Variants in TLL2 observed in about 807,000 individuals in gnomAD.
TLL2 encodes the protein tolloid like 2, also known as tolloid-like protein 2.
A neutral mutation model predicts 123.0 loss-of-function variants in TLL2; 106 were observed. The ratio of observed to expected loss-of-function variants is 0.86; its 90% CI spans 0.74 to 1.01. The LOEUF (loss-of-function observed/expected upper bound fraction) is 1.01, where lower values mean the gene tolerates loss of function less well. Among genes scored for constraint, TLL2 ranks in the 50% least tolerant of loss-of-function variants. The pLI is 0.00. For missense variants in TLL2, 1,332 were observed against 1,336.7 expected (o/e 1.00, Z 0.06); for synonymous variants, 494 against 516.8 (o/e 0.96, Z 0.60).
intron 7 of TLL2, among the ~76,000 whole-genome samples, chr10:96,416,830 T>C (rs988015604): frequency 1.3e-5 from 2 of 152,154 alleles, no homozygotes; most frequent in African/African-American, 2.4e-5. Context: ...GGACAACTCT[T>C]AGCATTGACA....
intron 10 of TLL2, among the ~76,000 whole-genome samples, chr10:96,399,239 A>G (rs935143607): frequency 3.3e-5 from 5 of 152,226 alleles, no homozygotes; most frequent in Non-Finnish European, 5.9e-5. Context: ...ATTGACTGGT[A>G]TACTTTAAAT....
chr10:96,420,647 G>A (rs1475651290), intron 7 of TLL2, among the ~76,000 whole-genome samples: 6 of 152,136 alleles, frequency 3.9e-5, no homozygotes, highest in Non-Finnish European at 4.4e-5. Flanking sequence ...CCCACCCACT[G>A]GAAATTTGAC....
chr10:96,397,069 C>G (rs1027650991), intron 11 of TLL2, 117 bp downstream of exon 11: 11 of 871,970 alleles, frequency 1.3e-5, no homozygotes, highest in Non-Finnish European at 3.4e-6. Flanking sequence ...GTGGTGGCTG[C>G]CCCCACCCCT....
rs866789339 is a variant in TLL2 at position 96,464,551 on chromosome 10, G to A, written c.286+15798C>T. On this transcript the variant is annotated intron_variant, in intron 2 of 20. Transcript: ENST00000357947. ...CAGGGATGGATTACTCACTTAGCAC[G>A]TGCCAGCCCGGGGCAGGAAGCAGAG... Among the ~76,000 whole-genome samples, 42 of 152,158 alleles carry A rather than the reference G, an allele frequency of 2.8e-4. No individual in the cohort carries two copies. In the Middle Eastern group the frequency reaches 0.014, roughly 49 times the overall value.
chr10:96,488,430 C>T (rs1438985040), intron 1 of TLL2, among the ~76,000 whole-genome samples: 1 of 152,226 alleles, frequency 6.6e-6, no homozygotes, highest in Non-Finnish European at 1.5e-5. Context: ...CCAGAGAGCC[C>T]CTTCCCACGC....
intron 4 of TLL2, among the ~76,000 whole-genome samples, chr10:96,431,618 G>A (rs1019267757): frequency 5.3e-5 from 8 of 152,192 alleles, no homozygotes; most frequent in Admixed American, 3.3e-4. Context: ...GATGTGCCGC[G>A]CCCTGCTCTA....
At chr10:96,398,359 G>C (rs952148002) in intron 10 of TLL2, among the ~76,000 whole-genome samples, 1 of 152,108 alleles carries the variant, frequency 6.6e-6, no homozygotes, top group East Asian at 1.9e-4. Flanking sequence ...TGCCAGTCAG[G>C]GTGGCAGGAT....
chr10:96,490,011 A>C (rs920535726), intron 1 of TLL2, among the ~76,000 whole-genome samples: 3 of 152,008 alleles, frequency 2.0e-5, no homozygotes, highest in African/African-American at 7.2e-5. Flanking sequence ...CAGGAGAATC[A>C]CTTGAACCCA....
intron 12 of TLL2, 80 bp downstream of exon 12, chr10:96,395,795 T>C: frequency 1.9e-6 from 3 of 1,551,440 alleles, no homozygotes; most frequent in Non-Finnish European, 2.6e-6. Context: ...TAGCCAAAAA[T>C]GAAAACCCAT....
At chr10:96,460,389 C>T (rs1396351170) in intron 2 of TLL2, among the ~76,000 whole-genome samples, 4 of 152,112 alleles carry the variant, frequency 2.6e-5, no homozygotes, top group Non-Finnish European at 5.9e-5. Context: ...GGAGGTGGGA[C>T]CTTTGAGAGG....
chr10:96,482,039 C>T (rs949843175), intron 1 of TLL2, among the ~76,000 whole-genome samples: 2 of 152,124 alleles, frequency 1.3e-5, no homozygotes, highest in African/African-American at 2.4e-5. Flanking sequence ...AGGCGGATCA[C>T]GAGGTCAGGA....
chr10:96,450,096 T>C (rs1466731706), intron 2 of TLL2, among the ~76,000 whole-genome samples: 1 of 147,974 alleles, frequency 6.8e-6, no homozygotes, highest in Non-Finnish European at 1.5e-5. Context: ...TGGCAGGTAC[T>C]GAGTAAAATA....
intron 1 of TLL2, among the ~76,000 whole-genome samples, chr10:96,495,503 T>C (rs577262513): frequency 3.5e-4 from 54 of 152,232 alleles, no homozygotes; most frequent in African/African-American, 1.3e-3. Context: ...TTCTAGGAAA[T>C]ACAATATGGC....
At chr10:96,439,027 C>T (rs1041108226) in intron 3 of TLL2, among the ~76,000 whole-genome samples, 13 of 140,040 alleles carry the variant, frequency 9.3e-5, no homozygotes, top group African/African-American at 3.4e-4. Context: ...CTGTATAATT[C>T]TTTTTTGTAC....
intron 10 of TLL2, among the ~76,000 whole-genome samples, chr10:96,401,345 G>A (rs982710002): frequency 3.9e-5 from 6 of 152,136 alleles, no homozygotes; most frequent in Non-Finnish European, 5.9e-5. Context: ...CAGATTTCAT[G>A]GCACTGACCC....
At chr10:96,475,217 C>T (rs910267390) in intron 2 of TLL2, among the ~76,000 whole-genome samples, 6 of 152,204 alleles carry the variant, frequency 3.9e-5, no homozygotes, top group Non-Finnish European at 8.8e-5. Flanking sequence ...GAAATCAACA[C>T]AGCTCGTGGC....
chr10:96,486,099 T>C (rs1261385487), intron 1 of TLL2, among the ~76,000 whole-genome samples: 2 of 152,336 alleles, frequency 1.3e-5, no homozygotes, highest in East Asian at 3.9e-4. Flanking sequence ...AAAAGCTACA[T>C]ATCCCTTTGT....
intron 1 of TLL2, among the ~76,000 whole-genome samples, chr10:96,488,409 C>G (rs1253487493): frequency 6.6e-6 from 1 of 152,210 alleles, no homozygotes; most frequent in African/African-American, 2.4e-5. Context: ...GATCCTAGCC[C>G]ACCTCAAGGC....
chr10:96,385,954 T>G, intron 15 of TLL2, 101 bp downstream of exon 15: 3 of 1,284,240 alleles, frequency 2.3e-6, no homozygotes, highest in Non-Finnish European at 3.1e-6. Flanking sequence ...AAAGCTTCAG[T>G]CAACACAAGC....
Sources: gnomAD v4.1 joint callset for allele counts (sites outside exome capture counted in the v4.1 genomes callset) on GRCh38, gnomAD v4.1.1 for gene constraint, MANE v1.5 for transcripts, NCBI Gene and HGNC (gene_info 2026-07-23, HGNC 2026-07-21) for gene names.